Variants in ZNF845 observed in about 807,000 individuals in gnomAD.
ZNF845 encodes the protein zinc finger protein 845.
ZNF845 carries 59 observed loss-of-function variants against 76.1 expected under a neutral mutation model. The ratio of observed to expected loss-of-function variants is 0.78; its 90% CI spans 0.63 to 0.96. The LOEUF (loss-of-function observed/expected upper bound fraction) is 0.96, where lower values mean the gene tolerates loss of function less well. Ranked by LOEUF, ZNF845 falls within the 40% of genes least tolerant of loss-of-function variation. The pLI is 0.00. For synonymous variants in ZNF845, 361 were observed against 386.9 expected (o/e 0.93, Z 0.78); for missense variants, 1,045 against 1,172.8 (o/e 0.89, Z 1.59).
rs150168930 is a variant in ZNF845 at position 53,356,518 on chromosome 19, A to T, written c.*2930A>T. ...TCACCACTGCACTCCAGCCTGGGTGACAGAGCTAGACCCTGTCTCAAACAA... is the reference window on the plus strand; with the variant it reads ...TCACCACTGCACTCCAGCCTGGGTGTCAGAGCTAGACCCTGTCTCAAACAA... On this transcript the variant is annotated 3_prime_UTR_variant, in exon 4 of 4. Transcript: ENST00000458035. The T allele has an allele frequency of 0.016, 2,416 of 152,306 alleles. 21 individuals carry two copies. The highest frequency in any genetic ancestry group is 0.024 in the Middle Eastern group (7 of 294). The allele number at this position is 152,306 out of a possible 1,614,324, so 9.4% of individuals were successfully genotyped here.
intron 3 of ZNF845, among the ~76,000 whole-genome samples, chr19:53,348,608 CATTCAG>C (rs1338465023): frequency 6.6e-6 from 1 of 152,182 alleles, no homozygotes; most frequent in Non-Finnish European, 1.5e-5. Flanking sequence ...CCAATAAGAA[CATTCAG>C]ACCAGGGAGC....
intron 2 of ZNF845, 30 bp downstream of exon 2, chr19:53,341,352 G>C: frequency 6.2e-7 from 1 of 1,613,584 alleles, no homozygotes; most frequent in Non-Finnish European, 8.5e-7. Context: ...GGATTGTTCT[G>C]TCTCCTTCCT....
At chr19:53,341,430 G>T (rs758909978) in intron 2 of ZNF845, 108 bp downstream of exon 2, 39 of 1,507,902 alleles carry the variant, frequency 2.6e-5, no homozygotes, top group Non-Finnish European at 3.6e-5. Flanking sequence ...TGACAGGTTT[G>T]CTCGCACTCA....
In ZNF845 at chr19:53,351,066, G is replaced by A. The variant is rs777359043; in HGVS notation, c.391G>A (p.Ala131Thr). Residue 131 changes from alanine to threonine, a missense_variant, in exon 4 of 4, where the codon GCT (alanine) becomes ACT (threonine). Physicochemically the swap from Ala to Thr is moderately conservative, Grantham distance 58. Coordinates refer to ENST00000458035, the MANE Select transcript of ZNF845 (RefSeq NM_138374.3). ...GSTNRHDQRH[A>T]GNKPIKDQLG... ...TACAAACCGACATGATCAAAGGCAT[G>A]CTGGAAACAAGCCTATTAAAGATCA... is the stretch of plus-strand genomic sequence containing the variant. 4 of 1,614,104 alleles carry A rather than the reference G, an allele frequency of 2.5e-6. No individual in the cohort carries two copies. The Admixed American group carries it at 6.7e-5, about 27-fold the overall frequency.
Position 53,351,393 on chromosome 19 carries a change from G to A in ZNF845, c.718G>A (p.Ala240Thr), listed in dbSNP as rs190734350. 1.9e-4 allele frequency: 303 copies of A among 1,614,202 alleles called. 1 individual carries two copies. The highest frequency in any genetic ancestry group is 1.3e-4 in the Non-Finnish European group (154 of 1,180,036). Residue 240 changes from alanine (A) to threonine (T), a missense_variant, in exon 4 of 4, where the codon GCG becomes ACG. Transcript: ENST00000458035. ...GAAACATCAGATAATCCATTTAGGA[G>A]CGAAACAATATAAATGTGATGTGTG... ...LRKHQIIHLGAKQYKCDVCGK... is the reference protein window; with the variant it reads ...LRKHQIIHLGTKQYKCDVCGK...
At chr19:53,342,544 C>T (rs891925616) in intron 2 of ZNF845, among the ~76,000 whole-genome samples, 1 of 152,208 alleles carries the variant, frequency 6.6e-6, no homozygotes, top group Admixed American at 6.5e-5. Flanking sequence ...TTCCCTGTCA[C>T]GTCCTCCACC....
chr19:53,352,975 G>T lies in ZNF845; in HGVS notation c.2300G>T (p.Arg767Ile). ...AAATCAAGCCTTGAAAAACACAGGA[G>T]AATTCATACTGGAGAGAAACCATAC... ...SRKSSLEKHRRIHTGEKPYKC... is the reference protein window; with the variant it reads ...SRKSSLEKHRIIHTGEKPYKC... Residue 767 changes from arginine to isoleucine, a missense_variant, in exon 4 of 4, where the codon AGA (arginine) becomes ATA (isoleucine). Arg to Ile is a moderately conservative substitution (Grantham distance 97). Transcript: ENST00000458035. 2 of 1,614,042 alleles carry T rather than the reference G, an allele frequency of 1.2e-6. No individual in the cohort carries two copies.
At position 53,356,744 on chromosome 19, in the gene ZNF845, A is replaced by G. The variant is rs7248434; in HGVS notation, c.*3156A>G. The G allele has an allele frequency of 0.53, 80,469 of 151,558 alleles. 22,939 individuals carry two copies. The highest frequency in any genetic ancestry group is 0.76 in the African/African-American group (31,412 of 41,314). The allele number at this position is 151,558 out of a possible 1,614,324, so 9.4% of individuals were successfully genotyped here. On this transcript the variant is annotated 3_prime_UTR_variant, in exon 4 of 4. Transcript: ENST00000458035. Reference sequence around the variant, plus strand: ...GGAGATCGAGACCATCCTGGCTAACACGGTGAAACCCCGTCTCTACTAAAA... The same window carrying G: ...GGAGATCGAGACCATCCTGGCTAACGCGGTGAAACCCCGTCTCTACTAAAA...
At position 53,351,578 on chromosome 19, in the gene ZNF845, C is replaced by G; in HGVS notation, c.903C>G (p.Cys301Trp). ...ATACTGGAGAGAAACATTACAAGTG[C>G]AGTGAGTGTGGCAAGACCTTCAGTC... ...RLHTGEKHYKCSECGKTFSRN... is the reference protein window; with the variant it reads ...RLHTGEKHYKWSECGKTFSRN... Residue 301 changes from cysteine to tryptophan, a missense_variant, in exon 4 of 4, where the codon TGC (cysteine) becomes TGG (tryptophan). Cys to Trp is a radical substitution (Grantham distance 215). Coordinates refer to ENST00000458035, the MANE Select transcript of ZNF845 (RefSeq NM_138374.3). 6.2e-7 allele frequency: 1 copy of G among 1,613,060 alleles called. No individual in the cohort carries two copies. The highest frequency in any genetic ancestry group is 1.7e-5 in the Admixed American group (1 of 59,924).
chr19:53,343,808 C>A (rs1372047972), intron 2 of ZNF845, among the ~76,000 whole-genome samples: 1 of 151,860 alleles, frequency 6.6e-6, no homozygotes, highest in Non-Finnish European at 1.5e-5. Context: ...TACTTTGAGT[C>A]ATCTAGTTTT....
Position 53,351,593 on chromosome 19 carries a change from G to C in ZNF845, c.918G>C (p.Lys306Asn), listed in dbSNP as rs1479233575. The C allele has an allele frequency of 6.2e-7, 1 of 1,614,000 alleles. No individual in the cohort carries two copies. The highest frequency in any genetic ancestry group is 8.5e-7 in the Non-Finnish European group (1 of 1,179,958). Residue 306 changes from lysine to asparagine, a missense_variant, in exon 4 of 4, where the codon AAG becomes AAC. Lys to Asn is a moderately conservative substitution (Grantham distance 94). Coordinates refer to ENST00000458035, the MANE Select transcript of ZNF845 (RefSeq NM_138374.3). Reference protein sequence around the residue: ...EKHYKCSECGKTFSRNSALVI... With the variant: ...EKHYKCSECGNTFSRNSALVI... The stretch of plus-strand genomic sequence containing the variant: ...ATTACAAGTGCAGTGAGTGTGGCAA[G>C]ACCTTCAGTCGAAATTCAGCCCTTG...
intron 3 of ZNF845, among the ~76,000 whole-genome samples, chr19:53,350,600 T>C (rs1483966297): frequency 6.6e-6 from 1 of 152,234 alleles, no homozygotes; most frequent in Non-Finnish European, 1.5e-5. Flanking sequence ...GTCAGTGTTT[T>C]GACATGATAT....
rs569920452 is a variant in ZNF845 at position 53,356,251 on chromosome 19, G to A, written c.*2663G>A. 6.6e-5 allele frequency: 10 copies of A among 152,196 alleles called. No individual in the cohort carries two copies. The highest frequency in any genetic ancestry group is 2.1e-4 in the South Asian group (1 of 4,808). The allele number at this position is 152,196 out of a possible 1,614,324, so 9.4% of individuals were successfully genotyped here. On this transcript the variant is annotated 3_prime_UTR_variant, in exon 4 of 4. Transcript: ENST00000458035. ...AAACAAGAAGAAACATCAAATTTAC[G>A]ATGAGACCAGACGCAGTGGCTCAGG...
chr19:53,350,805 T>C lies in ZNF845; in HGVS notation c.143-13T>C. ...TACTTAAGTGGAAACCTATTGGTGTTTATATTTTCTAGATATCTCTTCCAA... is the reference window on the plus strand; with the variant it reads ...TACTTAAGTGGAAACCTATTGGTGTCTATATTTTCTAGATATCTCTTCCAA... On this transcript the variant is annotated splice_polypyrimidine_tract_variant and intron_variant, in intron 3 of 3. Transcript: ENST00000458035. The C allele has an allele frequency of 1.2e-6, 2 of 1,611,476 alleles. No homozygotes were observed. Among genetic ancestry groups the C allele is most frequent in the Non-Finnish European group, 1.7e-6 (2 of 1,178,994 alleles).
intron 3 of ZNF845, among the ~76,000 whole-genome samples, chr19:53,346,907 G>A (rs8112602): frequency 0.84 from 126,967 of 151,844 alleles, 53,265 homozygotes; most frequent in Non-Finnish European, 0.88. Flanking sequence ...TTTATTTGAC[G>A]AAGTTTTGTT....
rs747729307 is a variant in ZNF845 at position 53,352,536 on chromosome 19, T to C, written c.1861T>C (p.Tyr621His). 1 of 1,607,356 alleles carries C rather than the reference T, an allele frequency of 6.2e-7. No individual in the cohort carries two copies. Among genetic ancestry groups the C allele is most frequent in the Non-Finnish European group, 8.5e-7 (1 of 1,176,540 alleles). Reference protein sequence around the residue: ...RCGKFFRHRSYLAVHWRTHSG... With the variant: ...RCGKFFRHRSHLAVHWRTHSG... Reference sequence around the variant, plus strand: ...TGGCAAATTTTTCAGACATCGTTCATACCTTGCAGTTCATTGGCGAACTCA... The same window carrying C: ...TGGCAAATTTTTCAGACATCGTTCACACCTTGCAGTTCATTGGCGAACTCA... Residue 621 changes from tyrosine to histidine, a missense_variant, in exon 4 of 4, where the codon TAC becomes CAC. Coordinates refer to ENST00000458035, the MANE Select transcript of ZNF845 (RefSeq NM_138374.3).
In ZNF845 at chr19:53,335,326, TCTC is replaced by T. The variant is rs1405584299; in HGVS notation, c.-74+1538_-74+1540del. Among the ~76,000 whole-genome samples the T allele has an allele frequency of 2.6e-5, 4 of 152,164 alleles. 1 individual carries two copies. Among genetic ancestry groups the T allele is most frequent in the Admixed American group, 1.3e-4 (2 of 15,284 alleles). ...CCCAGGCTGGGGTGCAGTGGTGTGA[TCTC>T]CTCTAACTGCAGCCTCGACCTCCTA... On this transcript the variant is annotated intron_variant, in intron 1 of 3. Coordinates refer to ENST00000458035, the MANE Select transcript of ZNF845 (RefSeq NM_138374.3).
At position 53,352,880 on chromosome 19, in the gene ZNF845, A is replaced by G. The variant is rs748217054; in HGVS notation, c.2205A>G (p.Thr735=). ...GKAFSQKSSL[T]CHLRLHTGEK... ...CCTTCAGTCAGAAGTCATCCCTTAC[A>G]TGCCATCTTAGACTTCATACTGGAG... The change falls in exon 4 of 4, where the codon ACA becomes ACG. Residue 735 remains threonine (T), a synonymous_variant. Transcript: ENST00000458035. 1 of 1,614,092 alleles carries G rather than the reference A, an allele frequency of 6.2e-7. No homozygotes were observed. The highest frequency in any genetic ancestry group is 8.5e-7 in the Non-Finnish European group (1 of 1,180,010).
chr19:53,350,610 T>C (rs2085326043), intron 3 of ZNF845, among the ~76,000 whole-genome samples: 1 of 152,222 alleles, frequency 6.6e-6, no homozygotes, highest in African/African-American at 2.4e-5. Flanking sequence ...TGACATGATA[T>C]TGGAAATAGG....
Sources: gnomAD v4.1 joint callset for allele counts (sites outside exome capture counted in the v4.1 genomes callset) on GRCh38, gnomAD v4.1.1 for gene constraint, MANE v1.5 for transcripts, NCBI Gene and HGNC (gene_info 2026-07-23, HGNC 2026-07-21) for gene names.